The following AUTS2 variants were observed in gnomAD, a reference collection of about 807,000 sequenced individuals.
AUTS2 encodes the protein activator of transcription and developmental regulator AUTS2.
Under a neutral mutation model 112.4 loss-of-function variants are expected in AUTS2, and 17 were observed. The observed-to-expected ratio is 0.15, with a 90% CI of 0.10 to 0.23. The LOEUF (loss-of-function observed/expected upper bound fraction) is 0.23. Ranked by LOEUF, AUTS2 falls within the 10% of genes least tolerant of loss-of-function variation. The pLI, the probability that AUTS2 is intolerant of heterozygous loss-of-function variation, is 1.00. For missense variants in AUTS2, 1,510 were observed against 1,701.6 expected (o/e 0.89, Z 1.98); for synonymous variants, 751 against 702.7 (o/e 1.07, Z -1.09).
At chr7:69,664,698 C>T (rs1264335569) in intron 1 of AUTS2, among the ~76,000 whole-genome samples, 3 of 152,204 alleles carry the variant, frequency 2.0e-5, no homozygotes, top group African/African-American at 4.8e-5. Context: ...ATGTAGGCAT[C>T]GCCCCAAACC....
intron 4 of AUTS2, among the ~76,000 whole-genome samples, chr7:70,388,315 A>C (rs1793704258): frequency 6.6e-6 from 1 of 152,204 alleles, no homozygotes; most frequent in Non-Finnish European, 1.5e-5. Context: ...TGTCTTATCC[A>C]GTCCCGCCTT....
At position 70,181,732 on chromosome 7, in the gene AUTS2, G is replaced by A. The variant is rs537071806; in HGVS notation, c.660+47161G>A. Among the ~76,000 whole-genome samples, 151 of 150,178 alleles carry A rather than the reference G, an allele frequency of 1.0e-3. 1 individual carries two copies. The Middle Eastern group carries it at 0.032, about 32-fold the overall frequency. ...TGGAACTCCTGACCTCAGGTGATCC[G>A]CCCCCCTCGGCCTCCCAAAGTGCTG... is the stretch of plus-strand genomic sequence containing the variant. On this transcript the variant is annotated intron_variant, in intron 4 of 18. Coordinates refer to ENST00000342771, the MANE Select transcript of AUTS2 (RefSeq NM_015570.4).
At position 69,947,668 on chromosome 7, in the gene AUTS2, A is replaced by C. The variant is rs1322475518; in HGVS notation, c.522+48170A>C. The stretch of plus-strand genomic sequence containing the variant: ...TCGGGCCATGAAACAAGTTAAAATC[A>C]AAACTTTCGCTGGTTGCCATTTTAA... On this transcript the variant is annotated intron_variant, in intron 2 of 18. Transcript: ENST00000342771. Among the ~76,000 whole-genome samples the C allele has an allele frequency of 3.3e-5, 5 of 152,340 alleles. No homozygotes were observed. In the East Asian group the frequency reaches 9.6e-4, roughly 29 times the overall value.
chr7:70,550,280 C>T (rs1223820627), intron 5 of AUTS2, among the ~76,000 whole-genome samples: 1 of 152,178 alleles, frequency 6.6e-6, no homozygotes, highest in Non-Finnish European at 1.5e-5. Context: ...GAATCAGATT[C>T]AAGTACAATG....
chr7:70,250,943 T>G (rs2129603939), intron 4 of AUTS2, among the ~76,000 whole-genome samples: 1 of 152,232 alleles, frequency 6.6e-6, no homozygotes, highest in South Asian at 2.1e-4. Context: ...AAATTATCTG[T>G]ACACCAAACC....
At chr7:69,850,420 A>AAG in intron 1 of AUTS2, among the ~76,000 whole-genome samples, 1 of 146,274 alleles carries the variant, frequency 6.8e-6, no homozygotes, top group African/African-American at 2.5e-5. Flanking sequence ...AAAAAAAAAA[A>AAG]AAAAAAAAAA....
In AUTS2 at chr7:70,793,031, T is replaced by C. The variant is rs1792066844; in HGVS notation, c.*2035T>C. The stretch of plus-strand genomic sequence containing the variant: ...TGACCACCCTACCCAACTCGGTTAG[T>C]GTCTCACCAATTTGTTACTATAAAC... On this transcript the variant is annotated 3_prime_UTR_variant, in exon 19 of 19. Transcript: ENST00000342771. 1 of 152,456 alleles carries C rather than the reference T, an allele frequency of 6.6e-6. No homozygotes were observed. Among genetic ancestry groups the C allele is most frequent in the Admixed American group, 6.5e-5 (1 of 15,272 alleles). 9.4% of individuals were successfully genotyped at this position (152,456 alleles called of 1,614,324 possible). A position where few individuals can be genotyped will look rare whatever the true frequency, so the allele number is the denominator to read the frequency against.
intron 1 of AUTS2, among the ~76,000 whole-genome samples, chr7:69,638,293 G>A (rs1794642427): frequency 6.6e-6 from 1 of 152,310 alleles, no homozygotes; most frequent in Non-Finnish European, 1.5e-5. Context: ...TGGGACTACA[G>A]GCGTGAGCCA....
At chr7:70,287,844 CA>C (rs1788534993) in intron 4 of AUTS2, among the ~76,000 whole-genome samples, 1 of 151,250 alleles carries the variant, frequency 6.6e-6, no homozygotes, top group Non-Finnish European at 1.5e-5. Context: ...TTTAGCTCAC[CA>C]AAAAATGTTA....
intron 2 of AUTS2, among the ~76,000 whole-genome samples, chr7:69,909,284 A>G (rs562345808): frequency 2.6e-5 from 4 of 152,208 alleles, no homozygotes; most frequent in Non-Finnish European, 5.9e-5. Context: ...CAAAATAGCT[A>G]CTTTTTCTAG....
chr7:69,986,114 C>T (rs1798505266), intron 2 of AUTS2, among the ~76,000 whole-genome samples: 3 of 152,042 alleles, frequency 2.0e-5, no homozygotes, highest in Admixed American at 2.0e-4. Flanking sequence ...TTCTTAATAC[C>T]ACTTATAAAC....
intron 5 of AUTS2, among the ~76,000 whole-genome samples, chr7:70,535,209 A>C (rs916042053): frequency 6.6e-6 from 1 of 152,086 alleles, no homozygotes; most frequent in Non-Finnish European, 1.5e-5. Flanking sequence ...TTATGGGATT[A>C]TTGGCAGAAT....
chr7:70,233,183 T>G (rs1812147520), intron 4 of AUTS2, among the ~76,000 whole-genome samples: 1 of 152,190 alleles, frequency 6.6e-6, no homozygotes, highest in African/African-American at 2.4e-5. Flanking sequence ...ATTTAGGAGC[T>G]GAATCCCTCT....
At chr7:69,914,824 C>G (rs956092985) in intron 2 of AUTS2, among the ~76,000 whole-genome samples, 5 of 151,962 alleles carry the variant, frequency 3.3e-5, no homozygotes, top group African/African-American at 9.7e-5. Context: ...GCATGAATAG[C>G]GTGTCTTTTC....
intron 2 of AUTS2, among the ~76,000 whole-genome samples, chr7:70,083,243 T>A (rs1303835089): frequency 6.6e-6 from 1 of 152,162 alleles, no homozygotes; most frequent in African/African-American, 2.4e-5. Context: ...GAGTTTCCTC[T>A]CACTGCTTCC....
At chr7:70,646,082 T>A (rs1427055584) in intron 5 of AUTS2, among the ~76,000 whole-genome samples, 1 of 152,212 alleles carries the variant, frequency 6.6e-6, no homozygotes, top group Non-Finnish European at 1.5e-5. Flanking sequence ...GTCTTTCCTC[T>A]CCTGCTGTTG....
intron 2 of AUTS2, among the ~76,000 whole-genome samples, chr7:70,053,311 G>A (rs1801837664): frequency 6.6e-6 from 1 of 151,878 alleles, no homozygotes; most frequent in African/African-American, 2.4e-5. Context: ...CAGATCTGAG[G>A]CCCATACTAG....
intron 4 of AUTS2, among the ~76,000 whole-genome samples, chr7:70,169,795 C>T (rs182998854): frequency 7.2e-5 from 11 of 152,154 alleles, no homozygotes; most frequent in East Asian, 3.9e-4. Context: ...AGAAACATTA[C>T]GGGGTATGAT....
At chr7:70,680,415 G>C (rs1210320833) in intron 5 of AUTS2, among the ~76,000 whole-genome samples, 1 of 152,276 alleles carries the variant, frequency 6.6e-6, no homozygotes, top group South Asian at 2.1e-4. Context: ...ATCCAGTACA[G>C]TATTCATTCA....
Sources: gnomAD v4.1 joint callset for allele counts (sites outside exome capture counted in the v4.1 genomes callset) on GRCh38, gnomAD v4.1.1 for gene constraint, MANE v1.5 for transcripts, NCBI Gene and HGNC (gene_info 2026-07-23, HGNC 2026-07-21) for gene names.